The following ANK3 variants were observed in gnomAD, a reference collection of about 807,000 sequenced individuals.
The protein encoded by ANK3 is ankyrin-3.
In ANK3, 57 loss-of-function variants were observed where a neutral mutation model predicts 370.9. That is an observed-to-expected ratio of 0.15 (90% CI 0.12 to 0.19). The LOEUF is 0.19. Ranked by LOEUF, ANK3 falls within the 10% of genes least tolerant of loss-of-function variation. The pLI, the probability that ANK3 is intolerant of heterozygous loss-of-function variation, is 1.00. For synonymous variants in ANK3, 1,929 were observed against 1,946.3 expected (o/e 0.99, Z 0.23); for missense variants, 4,439 against 5,302.1 (o/e 0.84, Z 5.06).
chr10:60,231,172 G>C (rs933292965), intron 8 of ANK3, among the ~76,000 whole-genome samples: 1 of 152,146 alleles, frequency 6.6e-6, no homozygotes, highest in Admixed American at 6.5e-5. Flanking sequence ...AGGCACTAGG[G>C]TGAAATTAAA....
At chr10:60,446,547 T>A (rs956871084) in intron 2 of ANK3, among the ~76,000 whole-genome samples, 6 of 152,240 alleles carry the variant, frequency 3.9e-5, no homozygotes, top group Non-Finnish European at 8.8e-5. Context: ...AGACATTCAG[T>A]GACAGAGCTT....
chr10:60,315,124 A>G (rs1202831852), intron 1 of ANK3, among the ~76,000 whole-genome samples: 1 of 152,042 alleles, frequency 6.6e-6, no homozygotes, highest in African/African-American at 2.4e-5. Context: ...ACTTTATAGG[A>G]TGGTAGGGGT....
intron 2 of ANK3, among the ~76,000 whole-genome samples, chr10:60,514,893 C>T (rs1353475264): frequency 3.9e-5 from 6 of 152,058 alleles, no homozygotes. Context: ...TCTCATATTT[C>T]ATATAAAATG....
Position 60,073,431 on chromosome 10 carries a change from C to A in ANK3, c.7450G>T (p.Val2484Phe). 6.2e-7 allele frequency: 1 copy of A among 1,613,902 alleles called. No homozygotes were observed. The highest frequency in any genetic ancestry group is 1.1e-5 in the South Asian group (1 of 91,058). The part of the protein sequence containing the change: ...DVSHSDTEES[V>F]TDHAGPPSSE... ...CTAGGGGGTCCTGCATGGTCTGTAA[C>A]CGATTCCTCAGTATCAGAATGAGAC... The change falls in exon 37 of 44, where the codon GTT becomes TTT. Residue 2484 changes from valine (V) to phenylalanine (F), a missense_variant. This residue lies in a region of ANK3 where 1,601 missense variants were observed against 1,731.7 expected (regional missense o/e 0.92). Coordinates refer to ENST00000280772, the MANE Select transcript of ANK3 (RefSeq NM_020987.5).
At chr10:60,315,194 G>A (rs2047148967) in intron 1 of ANK3, among the ~76,000 whole-genome samples, 1 of 152,170 alleles carries the variant, frequency 6.6e-6, no homozygotes, top group African/African-American at 2.4e-5. Flanking sequence ...GATAGAGGGT[G>A]TAAGTGCATA....
At chr10:60,141,076 A>G in intron 23 of ANK3, 1 of 965,756 alleles carries the variant, frequency 1.0e-6, no homozygotes, top group Non-Finnish European at 1.2e-6. Context: ...GGGGAAAAAG[A>G]GAGAGGGAGG....
intron 2 of ANK3, among the ~76,000 whole-genome samples, chr10:60,547,719 C>G (rs762551794): frequency 6.8e-6 from 1 of 147,980 alleles, no homozygotes; most frequent in East Asian, 2.0e-4. Flanking sequence ...AGAGAAGGGG[C>G]GGGAGGTGGG....
chr10:60,625,685 C>T (rs980477118), intron 1 of ANK3, among the ~76,000 whole-genome samples: 4 of 152,162 alleles, frequency 2.6e-5, no homozygotes, highest in Non-Finnish European at 4.4e-5. Flanking sequence ...TCTACAATCT[C>T]ATCCTGTTTG....
At position 60,065,772 on chromosome 10, in the gene ANK3, C is replaced by A. The variant is rs1473777844; in HGVS notation, c.12320-1484G>T. Among the ~76,000 whole-genome samples, 3 of 152,198 alleles carry A rather than the reference C, an allele frequency of 2.0e-5. No homozygotes were observed. In the East Asian group the frequency reaches 5.8e-4, roughly 29 times the overall value. ...TAATACACTTAAACACAGTCATTTT[C>A]TTTTATATAATATTCCATTTAAAAA... On this transcript the variant is annotated intron_variant, in intron 38 of 43. Coordinates refer to ENST00000280772, the MANE Select transcript of ANK3 (RefSeq NM_020987.5).
At chr10:60,132,308 A>G (rs2094120960) in intron 25 of ANK3, among the ~76,000 whole-genome samples, 1 of 152,096 alleles carries the variant, frequency 6.6e-6, no homozygotes, top group South Asian at 2.1e-4. Flanking sequence ...AGCTCCCACA[A>G]TTCTCACCTG....
At chr10:60,116,122 T>C (rs1310371996) in intron 25 of ANK3, among the ~76,000 whole-genome samples, 1 of 152,152 alleles carries the variant, frequency 6.6e-6, no homozygotes, top group Non-Finnish European at 1.5e-5. Flanking sequence ...CTGCCATCAC[T>C]ACCACCAACC....
Position 60,069,400 on chromosome 10 carries a change from T to G in ANK3, c.11481A>C (p.Ser3827=), listed in dbSNP as rs146676973. 2.9e-5 allele frequency: 47 copies of G among 1,614,000 alleles called. 1 individual carries two copies. The African/African-American group carries it at 5.2e-4, about 18-fold the overall frequency. The change falls in exon 37 of 44, where the codon TCA becomes TCC. Residue 3827 remains serine (S), a synonymous_variant. Transcript: ENST00000280772. Reference sequence around the variant, plus strand: ...GTAGTACCCCTGTCTTTTTTCCTGATGAGACTTTCACTGGGTTATCTTTCT... The same window carrying G: ...GTAGTACCCCTGTCTTTTTTCCTGAGGAGACTTTCACTGGGTTATCTTTCT... The part of the protein sequence containing the change: ...TTEKDNPVKV[S]SGKKTGVLQG...
At chr10:60,262,285 C>A (rs1280872812) in intron 6 of ANK3, among the ~76,000 whole-genome samples, 20 of 152,114 alleles carry the variant, frequency 1.3e-4, no homozygotes. Flanking sequence ...TTGATTAGTG[C>A]CGCTGTTTTA....
In ANK3 at chr10:60,186,841, ATAT is replaced by A; in HGVS notation, c.1956_1958del (p.Glu652_Tyr653delinsAsp). On this transcript the variant is annotated inframe_deletion, in exon 17 of 44. Transcript: ENST00000280772. ...GGGTAACTGCGTTGGCATCAGCACC[ATAT>A]TCCAGCAGAGTTGTCGCTATGTCCA... is the stretch of plus-strand genomic sequence containing the variant. 1.9e-6 allele frequency: 3 copies of A among 1,614,194 alleles called. No individual in the cohort carries two copies. The highest frequency in any genetic ancestry group is 2.5e-6 in the Non-Finnish European group (3 of 1,180,028).
At chr10:60,130,421 G>A (rs2093997793) in intron 25 of ANK3, among the ~76,000 whole-genome samples, 1 of 152,196 alleles carries the variant, frequency 6.6e-6, no homozygotes, top group Admixed American at 6.5e-5. Context: ...GTGTATGAGA[G>A]TTCATTTTTA....
At chr10:60,433,344 A>G (rs1368963151) in intron 2 of ANK3, among the ~76,000 whole-genome samples, 1 of 152,180 alleles carries the variant, frequency 6.6e-6, no homozygotes, top group African/African-American at 2.4e-5. Flanking sequence ...GCAAGATCTT[A>G]GAATAATGCT....
chr10:60,210,260 T>C (rs2096832208), intron 9 of ANK3, among the ~76,000 whole-genome samples: 2 of 151,794 alleles, frequency 1.3e-5, no homozygotes, highest in Admixed American at 6.6e-5. Flanking sequence ...TTCAAGATGG[T>C]GTTAAAAGCT....
intron 2 of ANK3, among the ~76,000 whole-genome samples, chr10:60,601,952 G>C (rs1029197048): frequency 6.6e-6 from 1 of 152,096 alleles, no homozygotes; most frequent in Non-Finnish European, 1.5e-5. Flanking sequence ...GAAGTACAGC[G>C]TATATAGATG....
intron 28 of ANK3, among the ~76,000 whole-genome samples, chr10:60,104,293 C>T (rs558310045): frequency 2.2e-4 from 28 of 127,292 alleles, no homozygotes; most frequent in African/African-American, 6.7e-4. Flanking sequence ...AGGAGGCGGA[C>T]GTTGCAGTGA....
Sources: gnomAD v4.1 joint callset for allele counts (sites outside exome capture counted in the v4.1 genomes callset) on GRCh38, gnomAD v4.1.1 for gene constraint, gnomAD v4.1.1 regional missense constraint, MANE v1.5 for transcripts, NCBI Gene and HGNC (gene_info 2026-07-23, HGNC 2026-07-21) for gene names.